Variants in REV3L observed in about 807,000 individuals in gnomAD.
REV3L encodes the protein REV3 like, DNA directed polymerase zeta catalytic subunit.
REV3L carries 69 observed loss-of-function variants against 299.4 expected under a neutral mutation model. The observed-to-expected ratio is 0.23, with a 90% CI of 0.19 to 0.28. The LOEUF (loss-of-function observed/expected upper bound fraction) is 0.28. REV3L is among the 10% of genes least tolerant of loss of function. The pLI, the probability that REV3L is intolerant of heterozygous loss-of-function variation, is 1.00. For synonymous variants in REV3L, 1,238 were observed against 1,271.4 expected (o/e 0.97, Z 0.56); for missense variants, 3,128 against 3,693.8 (o/e 0.85, Z 3.97).
rs751758703 is a variant in REV3L at position 111,373,504 on chromosome 6, T to C, written c.4851A>G (p.Ser1617=). ...QNSSQLDNSV[S]DDSPIFFSDP... The stretch of plus-strand genomic sequence containing the variant: ...CTGAAAAAAAGATGGGACTATCATC[T>C]GATACAGAGTTATCCAACTGGCTAG... Residue 1617 remains serine (S), a synonymous_variant, in exon 13 of 32, where the codon TCA becomes TCG. Transcript: ENST00000368802. 4.3e-6 allele frequency: 7 copies of C among 1,613,026 alleles called. No individual in the cohort carries two copies. In the East Asian group the frequency reaches 1.6e-4, roughly 36 times the overall value.
At position 111,465,753 on chromosome 6, in the gene REV3L, A is replaced by AAAC. The variant is rs1470763199; in HGVS notation, c.139+16996_139+16997insGTT. ...GACTCAAAAACAAAAACCAAAAAAA[A>AAAC]AAAAAAAAAAAAACTTTGTTTAAAA... is the stretch of plus-strand genomic sequence containing the variant. On this transcript the variant is annotated intron_variant, in intron 1 of 31. Coordinates refer to ENST00000368802, the MANE Select transcript of REV3L (RefSeq NM_001372078.1). 4.0e-5 allele frequency among the ~76,000 whole-genome samples: 6 copies of AAAC among 150,954 alleles called. No homozygotes were observed. In the East Asian group the frequency reaches 5.8e-4, roughly 15 times the overall value.
chr6:111,479,338 A>G (rs1385495941), intron 1 of REV3L, among the ~76,000 whole-genome samples: 1 of 152,200 alleles, frequency 6.6e-6, no homozygotes, highest in Non-Finnish European at 1.5e-5. Context: ...TGTTCAAGAC[A>G]TTTTAAAAAC....
intron 1 of REV3L, among the ~76,000 whole-genome samples, chr6:111,480,294 G>A (rs1793461378): frequency 6.6e-6 from 1 of 152,200 alleles, no homozygotes; most frequent in East Asian, 1.9e-4. Flanking sequence ...AAACTATAAA[G>A]ATATAATACA....
chr6:111,462,667 G>C (rs1020970133), intron 1 of REV3L, among the ~76,000 whole-genome samples: 8 of 152,092 alleles, frequency 5.3e-5, no homozygotes, highest in African/African-American at 1.9e-4. Flanking sequence ...AAATATTGGT[G>C]AAGATGTGGA....
At chr6:111,457,263 G>T (rs1461336905) in intron 1 of REV3L, among the ~76,000 whole-genome samples, 1 of 151,926 alleles carries the variant, frequency 6.6e-6, no homozygotes, top group Non-Finnish European at 1.5e-5. Context: ...ATATATAACA[G>T]TATAATAACG....
At chr6:111,398,754 A>T (rs1489431019) in intron 4 of REV3L, among the ~76,000 whole-genome samples, 4 of 152,014 alleles carry the variant, frequency 2.6e-5, no homozygotes, top group Non-Finnish European at 4.4e-5. Flanking sequence ...AAAATAAAAT[A>T]AAAAAAATTA....
At position 111,405,554 on chromosome 6, in the gene REV3L, G is replaced by A. The variant is rs1190307302; in HGVS notation, c.481C>T (p.Leu161=). Residue 161 remains leucine, a synonymous_variant, in exon 4 of 32, where the codon CTA becomes TTA. Transcript: ENST00000368802. ...AGATTGTAGTCAATGAAGAGCTGTA[G>A]GAGGTAGGGAATATGCGCTTCATGA... is the stretch of plus-strand genomic sequence containing the variant. ...QPHEAHIPYL[L]QLFIDYNLYG... 8.7e-6 allele frequency: 14 copies of A among 1,605,682 alleles called. No homozygotes were observed. Among genetic ancestry groups the A allele is most frequent in the Non-Finnish European group, 1.2e-5 (14 of 1,175,912 alleles).
intron 19 of REV3L, among the ~76,000 whole-genome samples, chr6:111,350,112 T>C (rs545413699): frequency 3.3e-5 from 5 of 152,250 alleles, no homozygotes; most frequent in Admixed American, 6.5e-5. Context: ...TTTATTTTAA[T>C]ACAAACATTA....
intron 21 of REV3L, among the ~76,000 whole-genome samples, chr6:111,338,509 T>A (rs1237769463): frequency 6.6e-6 from 1 of 151,296 alleles, no homozygotes; most frequent in South Asian, 2.1e-4. Flanking sequence ...TTTTTTTTAC[T>A]AATTTAAAAG....
rs186964284 is a variant in REV3L, at chr6:111,418,522, T to C, written c.140-2050A>G. ...GTACAATTTAGGAAAAAGGAAGAAA[T>C]GATTTACTCAGCAGGTAATAGGGTA... On this transcript the variant is annotated intron_variant, in intron 1 of 31. Coordinates refer to ENST00000368802, the MANE Select transcript of REV3L (RefSeq NM_001372078.1). 3.5e-4 allele frequency among the ~76,000 whole-genome samples: 53 copies of C among 152,274 alleles called. 1 individual carries two copies. The highest frequency in any genetic ancestry group is 1.3e-3 in the African/African-American group (52 of 41,546).
At chr6:111,307,657 ATTCATTCATTCG>A in intron 30 of REV3L, 87 bp from the exon 31 acceptor site, 2 of 1,234,498 alleles carry the variant, frequency 1.6e-6, no homozygotes, top group South Asian at 2.6e-5. Flanking sequence ...TTACTCAGGC[ATTCATTCATTCG>A]TTCATTCACT....
chr6:111,362,527 CTT>C (rs1778800036), intron 16 of REV3L, among the ~76,000 whole-genome samples: 2 of 152,070 alleles, frequency 1.3e-5, no homozygotes, highest in African/African-American at 4.8e-5. Context: ...TCACATGTAA[CTT>C]AAAGTTTTCT....
At chr6:111,476,581 G>C (rs1195791478) in intron 1 of REV3L, among the ~76,000 whole-genome samples, 1 of 152,118 alleles carries the variant, frequency 6.6e-6, no homozygotes, top group Non-Finnish European at 1.5e-5. Flanking sequence ...TTTTAGATAA[G>C]GGATGCTCAA....
chr6:111,482,304 C>A lies in REV3L; in HGVS notation c.139+446G>T, dbSNP rs570514187. Among the ~76,000 whole-genome samples, 6 of 152,318 alleles carry A rather than the reference C, an allele frequency of 3.9e-5. No individual in the cohort carries two copies. The South Asian group carries it at 1.2e-3, about 32-fold the overall frequency. ...GCGACTGACAACAAGGCTGACACTT[C>A]CCCGTTTCCAGAAAGCGGCACTTGG... On this transcript the variant is annotated intron_variant, in intron 1 of 31. Coordinates refer to ENST00000368802, the MANE Select transcript of REV3L (RefSeq NM_001372078.1).
Position 111,331,701 on chromosome 6 carries a change from G to C in REV3L, c.8009C>G (p.Ser2670Cys), listed in dbSNP as rs756268285. 2 of 1,612,722 alleles carry C rather than the reference G, an allele frequency of 1.2e-6. No homozygotes were observed. Among genetic ancestry groups the C allele is most frequent in the Non-Finnish European group, 1.7e-6 (2 of 1,179,114 alleles). ...LYQVRHDITV[S>C]PNGVAFVKPS... Reference sequence around the variant, plus strand: ...CTTGACAAAAGCTACTCCATTGGGGGACACTGTGATATCATGCCTAACTTG... The same window carrying C: ...CTTGACAAAAGCTACTCCATTGGGGCACACTGTGATATCATGCCTAACTTG... Residue 2670 changes from serine (S) to cysteine (C), a missense_variant, in exon 24 of 32, where the codon TCC becomes TGC. Transcript: ENST00000368802.
rs17511251 is a variant in REV3L, at chr6:111,336,479, G to A, written c.7539-869C>T. Among the ~76,000 whole-genome samples, 1,098 of 152,126 alleles carry A rather than the reference G, an allele frequency of 7.2e-3. 12 individuals carry two copies. Among genetic ancestry groups the A allele is most frequent in the African/African-American group, 0.025 (1,045 of 41,540 alleles). On this transcript the variant is annotated intron_variant, in intron 21 of 31. Transcript: ENST00000368802. The stretch of plus-strand genomic sequence containing the variant: ...TTAATAGAAAAACTAGAAAATGCAT[G>A]TGAAGGAAGAAAAAAATACCCTATT...
chr6:111,367,002 T>G, intron 14 of REV3L, 113 bp downstream of exon 14: 1 of 821,882 alleles, frequency 1.2e-6, no homozygotes, highest in East Asian at 3.0e-5. Context: ...GAAAAATATT[T>G]GCTGAGCTAT....
chr6:111,447,018 ATAAT>A (rs2128313046), intron 1 of REV3L, among the ~76,000 whole-genome samples: 1 of 152,348 alleles, frequency 6.6e-6, no homozygotes, highest in East Asian at 1.9e-4. Flanking sequence ...CCTCACAAGT[ATAAT>A]TAGACTCAGA....
At chr6:111,314,979 C>T (rs240970) in intron 27 of REV3L, among the ~76,000 whole-genome samples, 102,407 of 151,308 alleles carry the variant, frequency 0.68, 34,847 homozygotes, top group East Asian at 0.76. Flanking sequence ...GCCTCTGGAA[C>T]AGCTGGGACT....
Sources: gnomAD v4.1 joint callset for allele counts (sites outside exome capture counted in the v4.1 genomes callset) on GRCh38, gnomAD v4.1.1 for gene constraint, MANE v1.5 for transcripts, NCBI Gene and HGNC (gene_info 2026-07-23, HGNC 2026-07-21) for gene names.